TMEM117: variants seen among roughly 807,000 people sequenced by gnomAD.
TMEM117 encodes the protein transmembrane protein 117.
A neutral mutation model predicts 52.4 loss-of-function variants in TMEM117; 27 were observed. The observed-to-expected ratio is 0.51, with a 90% CI of 0.38 to 0.71. The LOEUF is 0.71. TMEM117 is among the 30% of genes least tolerant of loss of function. The pLI is 0.00. For synonymous variants in TMEM117, 215 were observed against 206.3 expected (o/e 1.04, Z -0.36); for missense variants, 556 against 630.5 (o/e 0.88, Z 1.26).
intron 3 of TMEM117, among the ~76,000 whole-genome samples, chr12:44,019,182 T>C (rs1210714769): frequency 6.6e-6 from 1 of 151,902 alleles, no homozygotes; most frequent in East Asian, 1.9e-4. Context: ...TGGGGCTTTA[T>C]GATGAATGGC....
the TMEM117 span, among the ~76,000 whole-genome samples, chr12:44,398,719 G>A: frequency 1.2e-4 from 19 of 152,296 alleles, no homozygotes; most frequent in South Asian, 2.9e-3. Context: ...GAACAAAGCC[G>A]AATCCACAGA....
chr12:43,899,631 A>G (rs1944271619), intron 2 of TMEM117, among the ~76,000 whole-genome samples: 1 of 55,094 alleles, frequency 1.8e-5, no homozygotes, highest in Non-Finnish European at 7.8e-5. Context: ...GTTTCCCTAA[A>G]TTTTTATTTT....
At chr12:44,069,683 G>A (rs977119685) in intron 3 of TMEM117, among the ~76,000 whole-genome samples, 2 of 152,180 alleles carry the variant, frequency 1.3e-5, no homozygotes, top group African/African-American at 4.8e-5. Flanking sequence ...AACATGATCT[G>A]ATTTAGGCTT....
chr12:44,200,757 T>TA (rs1475985181), intron 4 of TMEM117, among the ~76,000 whole-genome samples: 1 of 152,162 alleles, frequency 6.6e-6, no homozygotes, highest in Non-Finnish European at 1.5e-5. Context: ...ACATGATGGT[T>TA]ACTGATCAAA....
chr12:44,256,714 T>G (rs1025466331), intron 5 of TMEM117, among the ~76,000 whole-genome samples: 2 of 152,238 alleles, frequency 1.3e-5, no homozygotes, highest in Admixed American at 1.3e-4. Flanking sequence ...GGCTTTCATC[T>G]TACTTGATTT....
intron 5 of TMEM117, among the ~76,000 whole-genome samples, chr12:44,240,886 C>G (rs1439109055): frequency 6.6e-6 from 1 of 151,918 alleles, no homozygotes; most frequent in Non-Finnish European, 1.5e-5. Context: ...GCTCTTGGGC[C>G]AAAGGGATAT....
At chr12:44,011,635 G>C (rs1946291015) in intron 3 of TMEM117, among the ~76,000 whole-genome samples, 1 of 149,870 alleles carries the variant, frequency 6.7e-6, no homozygotes, top group African/African-American at 2.5e-5. Flanking sequence ...CATGAAAATA[G>C]AGTAATATAA....
At chr12:44,340,516 C>T (rs1951402733) in intron 6 of TMEM117, among the ~76,000 whole-genome samples, 1 of 152,114 alleles carries the variant, frequency 6.6e-6, no homozygotes, top group African/African-American at 2.4e-5. Flanking sequence ...TGCCTGCCTG[C>T]TCTTTTCAGC....
intron 3 of TMEM117, among the ~76,000 whole-genome samples, chr12:43,959,022 T>G (rs568221930): frequency 6.6e-6 from 1 of 152,260 alleles, no homozygotes; most frequent in East Asian, 1.9e-4. Flanking sequence ...TTCGCCAGGA[T>G]GGTCTTGATC....
At chr12:44,024,730 A>G (rs1450924359) in intron 3 of TMEM117, among the ~76,000 whole-genome samples, 1 of 152,006 alleles carries the variant, frequency 6.6e-6, no homozygotes, top group South Asian at 2.1e-4. Flanking sequence ...TTCATATTAG[A>G]TTTTCTTAAC....
intron 3 of TMEM117, among the ~76,000 whole-genome samples, chr12:44,030,332 A>G (rs1383238806): frequency 1.3e-5 from 2 of 152,186 alleles, no homozygotes; most frequent in East Asian, 3.9e-4. Context: ...TTCTAGATAA[A>G]GCCTGGGGAC....
chr12:43,814,142 C>CT, the TMEM117 span, among the ~76,000 whole-genome samples: 1 of 152,106 alleles, frequency 6.6e-6, no homozygotes, highest in Admixed American at 6.6e-5. Flanking sequence ...AAATACAACT[C>CT]TAAGTAAGCT....
At chr12:44,272,328 C>G (rs1004605319) in intron 5 of TMEM117, among the ~76,000 whole-genome samples, 1 of 152,048 alleles carries the variant, frequency 6.6e-6, no homozygotes, top group Non-Finnish European at 1.5e-5. Flanking sequence ...AGAACTAATA[C>G]CAAAACACCA....
chr12:44,041,784 G>T (rs934325490), intron 3 of TMEM117, among the ~76,000 whole-genome samples: 13 of 152,040 alleles, frequency 8.6e-5, no homozygotes, highest in Non-Finnish European at 1.8e-4. Flanking sequence ...GATCAAGTAG[G>T]GTTTATTCCT....
intron 3 of TMEM117, among the ~76,000 whole-genome samples, chr12:44,088,477 T>C (rs1323042414): frequency 6.6e-6 from 1 of 152,216 alleles, no homozygotes; most frequent in Non-Finnish European, 1.5e-5. Context: ...TATATTGTAT[T>C]TCCTCTTAAA....
chr12:43,963,535 G>T (rs1252503588), intron 3 of TMEM117, among the ~76,000 whole-genome samples: 1 of 152,196 alleles, frequency 6.6e-6, no homozygotes, highest in Non-Finnish European at 1.5e-5. Context: ...GGGCTCAGCA[G>T]AAAAGAGATG....
intron 3 of TMEM117, among the ~76,000 whole-genome samples, chr12:44,115,164 G>A (rs968240965): frequency 1.3e-5 from 2 of 152,132 alleles, no homozygotes; most frequent in Admixed American, 1.3e-4. Flanking sequence ...TAAAGACAGA[G>A]CTGCAGAATT....
chr12:44,300,103 C>G (rs1950821004), intron 6 of TMEM117, among the ~76,000 whole-genome samples: 1 of 152,144 alleles, frequency 6.6e-6, no homozygotes, highest in African/African-American at 2.4e-5. Context: ...TATATAAAAG[C>G]AGCAAAGCAG....
chr12:43,879,925 A>G (rs1418637412), intron 2 of TMEM117, among the ~76,000 whole-genome samples: 1 of 152,196 alleles, frequency 6.6e-6, no homozygotes, highest in Non-Finnish European at 1.5e-5. Flanking sequence ...TGGCTAGAAA[A>G]AAATTACATG....
Sources: allele counts gnomAD v4.1 joint callset (sites outside exome capture counted in the v4.1 genomes callset), GRCh38; gene constraint gnomAD v4.1.1; transcripts MANE v1.5; gene names NCBI Gene and HGNC (gene_info 2026-07-23, HGNC 2026-07-21).